The following CHSY3 variants were observed in gnomAD, a reference collection of about 807,000 sequenced individuals.
CHSY3 encodes the protein chondroitin sulfate synthase 3, also known as N-acetylgalactosaminyl-proteoglycan 3-beta-glucuronosyltransferase 3.
CHSY3 carries 35 observed loss-of-function variants against 67.2 expected under a neutral mutation model. That is an observed-to-expected ratio of 0.52 (90% CI 0.40 to 0.69). The LOEUF (loss-of-function observed/expected upper bound fraction) is 0.69. Ranked by LOEUF, CHSY3 falls within the 30% of genes least tolerant of loss-of-function variation. The probability of loss-of-function intolerance (pLI) is 0.00; values close to 1 mark genes in which losing one functional copy is unlikely to be tolerated. For synonymous variants in CHSY3, 474 were observed against 434.7 expected (o/e 1.09, Z -1.12); for missense variants, 1,069 against 1,138.5 (o/e 0.94, Z 0.88).
chr5:130,156,633 C>T (rs1011903833), intron 2 of CHSY3, among the ~76,000 whole-genome samples: 3 of 152,178 alleles, frequency 2.0e-5, no homozygotes, highest in South Asian at 2.1e-4. Flanking sequence ...CACCCTTCCA[C>T]TCAGTGCTCA....
chr5:130,180,208 C>A (rs1770203772), intron 2 of CHSY3, among the ~76,000 whole-genome samples: 2 of 152,160 alleles, frequency 1.3e-5, no homozygotes, highest in Admixed American at 6.5e-5. Context: ...ATGATCCTGC[C>A]CAACCTCAGA....
In CHSY3 at chr5:130,072,799, T is replaced by C. The variant is rs373343912; in HGVS notation, c.1087-111430T>C. On this transcript the variant is annotated intron_variant, in intron 2 of 2. Coordinates refer to ENST00000305031, the MANE Select transcript of CHSY3 (RefSeq NM_175856.5). ...ATTCTTCCAATCTGTAAACATTGAA[T>C]ACTGCACAGCCTTTAAAAAGAAGGA... Among the ~76,000 whole-genome samples the C allele has an allele frequency of 1.1e-4, 17 of 152,294 alleles. No individual in the cohort carries two copies. The South Asian group carries it at 2.7e-3, about 24-fold the overall frequency.
intron 2 of CHSY3, among the ~76,000 whole-genome samples, chr5:130,005,706 C>T (rs1300998383): frequency 2.0e-5 from 3 of 151,942 alleles, no homozygotes; most frequent in South Asian, 2.1e-4. Context: ...TTTTTATATT[C>T]GAATCTGCAG....
chr5:130,089,516 A>G (rs190603214), intron 2 of CHSY3, among the ~76,000 whole-genome samples: 53 of 152,266 alleles, frequency 3.5e-4, no homozygotes, highest in South Asian at 1.2e-3. Flanking sequence ...AATAGTTTCA[A>G]TTGGCAAATG....
chr5:129,976,745 C>T (rs1323881202), intron 2 of CHSY3, among the ~76,000 whole-genome samples: 1 of 151,802 alleles, frequency 6.6e-6, no homozygotes, highest in African/African-American at 2.4e-5. Context: ...ATGAAGAAAA[C>T]TCTAGTAATC....
chr5:129,923,848 A>G (rs1312290681), intron 2 of CHSY3, among the ~76,000 whole-genome samples: 1 of 152,220 alleles, frequency 6.6e-6, no homozygotes, highest in Non-Finnish European at 1.5e-5. Context: ...TTTAGTAGAA[A>G]AGTAAGGATC....
intron 2 of CHSY3, among the ~76,000 whole-genome samples, chr5:130,037,957 G>A (rs1335995987): frequency 6.6e-6 from 1 of 151,994 alleles, no homozygotes; most frequent in Non-Finnish European, 1.5e-5. Context: ...CCCTTAATTT[G>A]TGGTGCTGTT....
chr5:130,136,649 T>A (rs1378080458), intron 2 of CHSY3, among the ~76,000 whole-genome samples: 1 of 152,168 alleles, frequency 6.6e-6, no homozygotes, highest in Non-Finnish European at 1.5e-5. Flanking sequence ...TCCTGAGTCA[T>A]TCAACAAGAA....
intron 1 of CHSY3, among the ~76,000 whole-genome samples, chr5:129,906,339 G>C (rs1372060484): frequency 2.6e-5 from 4 of 152,126 alleles, no homozygotes; most frequent in Non-Finnish European, 5.9e-5. Flanking sequence ...GAGAGGATGG[G>C]CATGTTGTAA....
chr5:130,053,281 T>C (rs1235103248), intron 2 of CHSY3, among the ~76,000 whole-genome samples: 8 of 151,930 alleles, frequency 5.3e-5, no homozygotes, highest in Admixed American at 5.2e-4. Flanking sequence ...ATATAGACAA[T>C]GAGGGCAGAG....
intron 2 of CHSY3, among the ~76,000 whole-genome samples, chr5:129,982,208 T>C (rs1435729915): frequency 6.6e-6 from 1 of 152,098 alleles, no homozygotes; most frequent in African/African-American, 2.4e-5. Flanking sequence ...ATTTATGTGA[T>C]AGAAATTCAG....
chr5:129,954,674 G>T (rs952484179), intron 2 of CHSY3, among the ~76,000 whole-genome samples: 1 of 151,852 alleles, frequency 6.6e-6, no homozygotes, highest in Non-Finnish European at 1.5e-5. Flanking sequence ...GTGGTTTCTG[G>T]TTCTCCTTGA....
rs1766935396 is a variant in CHSY3 at position 130,093,127 on chromosome 5, A to C, written c.1087-91102A>C. Among the ~76,000 whole-genome samples the C allele has an allele frequency of 2.6e-5, 4 of 152,214 alleles. No homozygotes were observed. The South Asian group carries it at 8.3e-4, about 31-fold the overall frequency. On this transcript the variant is annotated intron_variant, in intron 2 of 2. Transcript: ENST00000305031. Reference sequence around the variant, plus strand: ...ACCATCTCTATGGGACAATTGGGTTAGTTTCAATCTAAACAATTCCATTGA... The same window carrying C: ...ACCATCTCTATGGGACAATTGGGTTCGTTTCAATCTAAACAATTCCATTGA...
chr5:129,947,883 TA>T (rs1366170377), intron 2 of CHSY3, among the ~76,000 whole-genome samples: 4 of 152,222 alleles, frequency 2.6e-5, no homozygotes, highest in African/African-American at 9.6e-5. Flanking sequence ...CACCTTTTAA[TA>T]TACCTGTTGG....
chr5:130,020,459 ATAT>A (rs1192983851), intron 2 of CHSY3, among the ~76,000 whole-genome samples: 12 of 49,706 alleles, frequency 2.4e-4, no homozygotes, highest in African/African-American at 1.2e-3. Context: ...ATATATATAT[ATAT>A]TTTTTTTTTT....
intron 2 of CHSY3, among the ~76,000 whole-genome samples, chr5:129,984,774 A>G (rs1397563854): frequency 6.6e-6 from 1 of 152,034 alleles, no homozygotes; most frequent in Non-Finnish European, 1.5e-5. Context: ...TAATGATTAG[A>G]AATATTGAGC....
intron 2 of CHSY3, among the ~76,000 whole-genome samples, chr5:129,926,657 A>G (rs984037397): frequency 6.6e-6 from 1 of 151,886 alleles, no homozygotes; most frequent in South Asian, 2.1e-4. Context: ...TGGTAAATCA[A>G]ATTTTAGCAA....
intron 2 of CHSY3, among the ~76,000 whole-genome samples, chr5:130,162,057 A>AAAAAAAAG (rs1554087189): frequency 8.2e-3 from 1,005 of 122,630 alleles, no homozygotes; most frequent in East Asian, 0.012. Flanking sequence ...AAAAAAAAAA[A>AAAAAAAAG]AAAGAAAGAA....
At position 130,031,485 on chromosome 5, in the gene CHSY3, G is replaced by A. The variant is rs1003871237; in HGVS notation, c.1086+123125G>A. Reference sequence around the variant, plus strand: ...TAAAGAATTGGGAAATTTCCAAGATGGGTGGGTATTTGTTTACCTTGTTTA... The same window carrying A: ...TAAAGAATTGGGAAATTTCCAAGATAGGTGGGTATTTGTTTACCTTGTTTA... On this transcript the variant is annotated intron_variant, in intron 2 of 2. Coordinates refer to ENST00000305031, the MANE Select transcript of CHSY3 (RefSeq NM_175856.5). Among the ~76,000 whole-genome samples the A allele has an allele frequency of 4.6e-5, 7 of 152,116 alleles. No homozygotes were observed. The East Asian group carries it at 1.3e-3, about 29-fold the overall frequency.
Sources: allele counts gnomAD v4.1 joint callset (sites outside exome capture counted in the v4.1 genomes callset), GRCh38; gene constraint gnomAD v4.1.1; transcripts MANE v1.5; gene names NCBI Gene and HGNC (gene_info 2026-07-23, HGNC 2026-07-21).